DNAH6: variants seen among roughly 807,000 people sequenced by gnomAD.
DNAH6 encodes axonemal beta dynein heavy chain 6.
Under a neutral mutation model 491.4 loss-of-function variants are expected in DNAH6, and 340 were observed. That is an observed-to-expected ratio of 0.69 (90% CI 0.63 to 0.76). DNAH6 has a LOEUF of 0.76. DNAH6 is among the 30% of genes least tolerant of loss of function. The pLI is 0.00. For synonymous variants in DNAH6, 1,603 were observed against 1,686.1 expected, an observed-to-expected ratio of 0.95 and a Z score of 1.21; for missense variants, 4,443 against 4,972.2, an observed-to-expected ratio of 0.89 and a Z score of 3.20.
At chr2:84,658,251 T>G in intron 35 of DNAH6, 41 bp from the exon 36 acceptor site, 1 of 1,337,330 alleles carries the variant, frequency 7.5e-7, no homozygotes, top group Non-Finnish European at 9.9e-7. Context: ...TAATTATATA[T>G]TTATCAGGTC....
At chr2:84,814,630 G>T (rs551976889) in intron 75 of DNAH6, among the ~76,000 whole-genome samples, 2 of 152,114 alleles carry the variant, frequency 1.3e-5, no homozygotes, top group Admixed American at 1.3e-4. Flanking sequence ...GGAGCTTTCC[G>T]GGACCAGCCT....
rs550658731 is a variant in DNAH6, at chr2:84,760,918, C to T, written c.10513-1837C>T. Reference sequence around the variant, plus strand: ...GAGCCACCATGCCTGGCAGAGATTTCGCAAAGAAGTAAAAAGAACTATCAT... The same window carrying T: ...GAGCCACCATGCCTGGCAGAGATTTTGCAAAGAAGTAAAAAGAACTATCAT... On this transcript the variant is annotated intron_variant, in intron 63 of 76. Coordinates refer to ENST00000389394, the MANE Select transcript of DNAH6 (RefSeq NM_001370.2). Among the ~76,000 whole-genome samples the T allele has an allele frequency of 7.2e-5, 11 of 152,064 alleles. No individual in the cohort carries two copies. In the East Asian group the frequency reaches 7.7e-4, roughly 11 times the overall value.
intron 11 of DNAH6, among the ~76,000 whole-genome samples, chr2:84,570,002 A>G (rs1158460069): frequency 6.6e-6 from 1 of 152,056 alleles, no homozygotes; most frequent in Admixed American, 6.6e-5. Context: ...GGCTACAAGC[A>G]ATGACATCCC....
chr2:84,754,938 T>G (rs533823783), intron 63 of DNAH6, among the ~76,000 whole-genome samples: 6 of 152,382 alleles, frequency 3.9e-5, no homozygotes, highest in African/African-American at 9.6e-5. Context: ...TTCCACTTAT[T>G]TGGATCTTCT....
intron 70 of DNAH6, among the ~76,000 whole-genome samples, chr2:84,803,210 A>T (rs772027316): frequency 9.9e-5 from 15 of 152,214 alleles, no homozygotes; most frequent in Non-Finnish European, 1.8e-4. Flanking sequence ...AGAAAACCAA[A>T]TACTGCATGT....
the DNAH6 span, among the ~76,000 whole-genome samples, chr2:84,461,559 G>A: frequency 1.3e-5 from 2 of 152,120 alleles, no homozygotes; most frequent in Non-Finnish European, 1.5e-5. Flanking sequence ...TGACCTCTGG[G>A]TTTCAGGTTT....
intron 62 of DNAH6, among the ~76,000 whole-genome samples, chr2:84,744,421 A>G (rs1405321762): frequency 6.6e-6 from 1 of 152,254 alleles, no homozygotes; most frequent in Non-Finnish European, 1.5e-5. Flanking sequence ...ACTTTCATAC[A>G]AGATACAAAT....
chr2:84,723,318 A>G (rs1353507532), intron 60 of DNAH6, among the ~76,000 whole-genome samples: 4 of 152,070 alleles, frequency 2.6e-5, no homozygotes, highest in Non-Finnish European at 5.9e-5. Flanking sequence ...ATATATATAT[A>G]TAAAAGGTAT....
chr2:84,479,149 C>T, the DNAH6 span, among the ~76,000 whole-genome samples: 2 of 152,222 alleles, frequency 1.3e-5, no homozygotes, highest in Non-Finnish European at 2.9e-5. Context: ...CTGCTTATCC[C>T]CTCTACCAGC....
chr2:84,537,306 G>C (rs1258903587), intron 4 of DNAH6, among the ~76,000 whole-genome samples: 1 of 152,034 alleles, frequency 6.6e-6, no homozygotes. Flanking sequence ...ACTTCCCATA[G>C]TTCAGATTCT....
At chr2:84,801,188 T>A (rs1284329826) in intron 70 of DNAH6, among the ~76,000 whole-genome samples, 2 of 147,620 alleles carry the variant, frequency 1.4e-5, no homozygotes, top group African/African-American at 2.5e-5. Context: ...ATGGCACATG[T>A]ATACATATGC....
intron 45 of DNAH6, 42 bp from the exon 46 acceptor site, chr2:84,694,207 G>A (rs2104793399): frequency 6.6e-7 from 1 of 1,523,936 alleles, no homozygotes; most frequent in Admixed American, 2.0e-5. Context: ...CAGGAGCCAT[G>A]TCTGTGAACT....
In DNAH6 at chr2:84,819,500, G is replaced by T; in HGVS notation, c.*92G>T. On this transcript the variant is annotated 3_prime_UTR_variant, in exon 77 of 77. Coordinates refer to ENST00000389394, the MANE Select transcript of DNAH6 (RefSeq NM_001370.2). ...TGAATAATTTATATGTGAGCAAAACGGTGTTAATTCTGATTTGACTTAAAC... is the reference window on the plus strand; with the variant it reads ...TGAATAATTTATATGTGAGCAAAACTGTGTTAATTCTGATTTGACTTAAAC... The T allele has an allele frequency of 2.7e-6, 2 of 751,968 alleles. No individual in the cohort carries two copies. Among genetic ancestry groups the T allele is most frequent in the Middle Eastern group, 2.4e-4 (1 of 4,238 alleles). The allele number at this position is 751,968 out of a possible 1,614,324, so 46.6% of individuals were successfully genotyped here.
At chr2:84,466,084 C>T in the DNAH6 span, among the ~76,000 whole-genome samples, 5 of 152,302 alleles carry the variant, frequency 3.3e-5, no homozygotes, top group African/African-American at 1.2e-4. Context: ...GTAAATTTCT[C>T]TCCTTTTGAG....
Position 84,707,031 on chromosome 2 carries a change from A to G in DNAH6, c.8851+12A>G. On this transcript the variant is annotated intron_variant, in intron 53 of 76. Transcript: ENST00000389394. ...AAAAGAAAGCCTGGGTAAGTAACTC[A>G]TAAAATTTACATTGGCCAGGAAATG... is the stretch of plus-strand genomic sequence containing the variant. 6.7e-7 allele frequency: 1 copy of G among 1,503,216 alleles called. No individual in the cohort carries two copies. The highest frequency in any genetic ancestry group is 8.8e-7 in the Non-Finnish European group (1 of 1,134,504). The allele number at this position is 1,503,216 out of a possible 1,614,324, so 93.1% of individuals were successfully genotyped here.
chr2:84,732,209 T>A (rs925375598), intron 61 of DNAH6, among the ~76,000 whole-genome samples: 18 of 152,136 alleles, frequency 1.2e-4, no homozygotes, highest in African/African-American at 4.3e-4. Context: ...CATTACAGAT[T>A]GAATAAGATT....
Position 84,669,619 on chromosome 2 carries a change from C to T in DNAH6, c.6306+109C>T, listed in dbSNP as rs111468048. 1.1e-3 allele frequency: 1,074 copies of T among 945,872 alleles called. 3 individuals are homozygous for T. The African/African-American group carries it at 0.015, about 13-fold the overall frequency. The allele number at this position is 945,872 out of a possible 1,614,324, so 58.6% of individuals were successfully genotyped here. A position where few individuals can be genotyped will look rare whatever the true frequency, so the allele number is the denominator to read the frequency against. ...TATTTCTGAGAGGAATTTTGTTTAG[C>T]GTTTAGCACTTTTGCAGGAAGAATA... On this transcript the variant is annotated intron_variant, in intron 38 of 76. Transcript: ENST00000389394.
intron 4 of DNAH6, among the ~76,000 whole-genome samples, chr2:84,539,107 TTAAATC>T (rs1363037784): frequency 1.3e-5 from 2 of 152,246 alleles, no homozygotes; most frequent in Admixed American, 6.5e-5. Flanking sequence ...ACGAAGAAAT[TTAAATC>T]TATTAAGTCA....
intron 5 of DNAH6, among the ~76,000 whole-genome samples, chr2:84,546,122 T>C (rs555715602): frequency 6.6e-6 from 1 of 152,278 alleles, no homozygotes; most frequent in African/African-American, 2.4e-5. Flanking sequence ...ACTAATCTAC[T>C]TTCTATCTCC....
Sources: allele counts gnomAD v4.1 joint callset (sites outside exome capture counted in the v4.1 genomes callset), GRCh38; gene constraint gnomAD v4.1.1; transcripts MANE v1.5; gene names NCBI Gene and HGNC (gene_info 2026-07-23, HGNC 2026-07-21).